DYNC1LI2: variants seen among roughly 807,000 people sequenced by gnomAD.
DYNC1LI2 encodes dynein cytoplasmic 1 light intermediate chain 2.
DYNC1LI2 carries 19 observed loss-of-function variants against 57.8 expected under a neutral mutation model. The ratio of observed to expected loss-of-function variants is 0.33; its 90% CI spans 0.23 to 0.48. The LOEUF (loss-of-function observed/expected upper bound fraction) is 0.48, where lower values mean the gene tolerates loss of function less well. DYNC1LI2 is among the 20% of genes least tolerant of loss of function. The probability of loss-of-function intolerance (pLI) is 0.99; values close to 1 mark genes in which losing one functional copy is unlikely to be tolerated. For synonymous variants in DYNC1LI2, 256 were observed against 233.4 expected, an observed-to-expected ratio of 1.10 and a Z score of -0.88; for missense variants, 470 against 604.2, an observed-to-expected ratio of 0.78 and a Z score of 2.33.
At position 66,751,374 on chromosome 16, in the gene DYNC1LI2, G is replaced by A; in HGVS notation, c.108-28C>T. 1.2e-6 allele frequency: 2 copies of A among 1,607,018 alleles called. No homozygotes were observed. Among genetic ancestry groups the A allele is most frequent in the Non-Finnish European group, 1.7e-6 (2 of 1,177,354 alleles). On this transcript the variant is annotated intron_variant, in intron 1 of 12. Transcript: ENST00000258198. This position sits in a 1 kb window ranked among gnomAD's most constrained non-coding sequence, Gnocchi z 5.2. ...GTGGCGACAATGGCAAGAGTGGTCAGCCCCGGGCCGGGCTGGGATGGCCCG... is the reference window on the plus strand; with the variant it reads ...GTGGCGACAATGGCAAGAGTGGTCAACCCCGGGCCGGGCTGGGATGGCCCG...
chr16:66,747,851 G>C (rs527956839), intron 3 of DYNC1LI2, among the ~76,000 whole-genome samples: 5 of 151,850 alleles, frequency 3.3e-5, no homozygotes, highest in African/African-American at 1.2e-4. Flanking sequence ...AATTACAGAC[G>C]TCAGCCACCA....
chr16:66,745,986 T>C (rs1163994825), intron 3 of DYNC1LI2, among the ~76,000 whole-genome samples: 1 of 151,620 alleles, frequency 6.6e-6, no homozygotes, highest in Non-Finnish European at 1.5e-5. Context: ...AAAAAACCTA[T>C]CTTTTATTAA....
At chr16:66,748,015 A>G (rs1386168251) in intron 3 of DYNC1LI2, among the ~76,000 whole-genome samples, 1 of 152,110 alleles carries the variant, frequency 6.6e-6, no homozygotes. Context: ...GGCTGGGTGC[A>G]GTGGTTCATG....
intron 6 of DYNC1LI2, 162 bp from the exon 7 acceptor site, chr16:66,732,636 A>G: frequency 1.7e-6 from 1 of 579,004 alleles, no homozygotes; most frequent in African/African-American, 1.9e-5. Flanking sequence ...AGTATTACAT[A>G]GGCATACTGC....
At chr16:66,749,879 C>G (rs1421435657) in intron 2 of DYNC1LI2, among the ~76,000 whole-genome samples, 1 of 152,180 alleles carries the variant, frequency 6.6e-6, no homozygotes, top group Non-Finnish European at 1.5e-5. Context: ...AGTACAATCT[C>G]AGTTAATTAT....
intron 7 of DYNC1LI2, 124 bp downstream of exon 7, chr16:66,732,215 G>A (rs1389433354): frequency 1.1e-5 from 13 of 1,202,016 alleles, no homozygotes; most frequent in Non-Finnish European, 1.5e-5. Flanking sequence ...CAGAGAGAAG[G>A]TGCAGTGAGA....
intron 3 of DYNC1LI2, among the ~76,000 whole-genome samples, chr16:66,742,921 G>A (rs2017865906): frequency 6.6e-6 from 1 of 152,202 alleles, no homozygotes; most frequent in Non-Finnish European, 1.5e-5. Flanking sequence ...CACTTTGAGA[G>A]GCTGAGGCAG....
At chr16:66,737,187 A>G (rs538044032) in intron 4 of DYNC1LI2, among the ~76,000 whole-genome samples, 1 of 152,308 alleles carries the variant, frequency 6.6e-6, no homozygotes, top group African/African-American at 2.4e-5. Context: ...AAGGCATGAG[A>G]ATCGCCTAAA....
At chr16:66,734,188 C>T (rs2017688222) in intron 6 of DYNC1LI2, 30 bp downstream of exon 6, 3 of 1,610,094 alleles carry the variant, frequency 1.9e-6, no homozygotes, top group African/African-American at 1.3e-5. Context: ...AAGCCTGTGA[C>T]CCAGGCCCCA....
At chr16:66,731,089 GGT>G (rs2017627471) in intron 7 of DYNC1LI2, 1 of 152,280 alleles carries the variant, frequency 6.6e-6, no homozygotes, top group Admixed American at 6.5e-5. Flanking sequence ...TCACCAGAGA[GGT>G]AACTACCAAC....
chr16:66,728,985 G>T, intron 9 of DYNC1LI2, 55 bp downstream of exon 9: 1 of 1,590,738 alleles, frequency 6.3e-7, no homozygotes, highest in Non-Finnish European at 8.6e-7. Context: ...CCACCCTAGG[G>T]ACTGGCATTT....
In DYNC1LI2 at chr16:66,733,995, AAAAC is replaced by A. The variant is rs199927926; in HGVS notation, c.793+219_793+222del. ...GGCCAAAGTGGTGAAACACCATCTT[AAAAC>A]AAACAAACAAACAAACAAATAAATG... On this transcript the variant is annotated intron_variant, in intron 6 of 12. Coordinates refer to ENST00000258198, the MANE Select transcript of DYNC1LI2 (RefSeq NM_006141.3). The A allele has an allele frequency of 3.9e-3, 1,920 of 495,950 alleles. 31 individuals carry two copies. The highest frequency in any genetic ancestry group is 0.032 in the African/African-American group (1,627 of 50,912). 30.7% of individuals were successfully genotyped at this position (495,950 alleles called of 1,614,324 possible). A position where few individuals can be genotyped will look rare whatever the true frequency, so the allele number is the denominator to read the frequency against.
chr16:66,736,162 G>A lies in DYNC1LI2; in HGVS notation c.612C>T (p.Gly204=). ...SPQRRGPLTS[G]SDEENVALPL... ...GCAGGGCAACATTTTCTTCATCGGA[G>A]CCTGAGGTCAGAGGGCCTCTTCTCT... The change falls in exon 5 of 13, where the codon GGC becomes GGT. Residue 204 remains glycine, a synonymous_variant. Coordinates refer to ENST00000258198, the MANE Select transcript of DYNC1LI2 (RefSeq NM_006141.3). 3.1e-6 allele frequency: 5 copies of A among 1,614,080 alleles called. No individual in the cohort carries two copies. Among genetic ancestry groups the A allele is most frequent in the Non-Finnish European group, 4.2e-6 (5 of 1,180,034 alleles).
Position 66,725,950 on chromosome 16 carries a change from G to A in DYNC1LI2, c.1262-6C>T, listed in dbSNP as rs1256370922. 1.2e-6 allele frequency: 2 copies of A among 1,605,446 alleles called. No individual in the cohort carries two copies. The highest frequency in any genetic ancestry group is 1.7e-5 in the Admixed American group (1 of 57,244). ...CCCTTCACTTGCTGCATTATCTAAGGAAAATTAAAGAGAAAAAAAAGCATC... is the reference window on the plus strand; with the variant it reads ...CCCTTCACTTGCTGCATTATCTAAGAAAAATTAAAGAGAAAAAAAAGCATC... On this transcript the variant is annotated splice_polypyrimidine_tract_variant and splice_region_variant and intron_variant, in intron 11 of 12. Transcript: ENST00000258198.
At chr16:66,745,213 T>C (rs1401113239) in intron 3 of DYNC1LI2, among the ~76,000 whole-genome samples, 1 of 152,080 alleles carries the variant, frequency 6.6e-6, no homozygotes, top group African/African-American at 2.4e-5. Context: ...AACTATGTTT[T>C]ATAAAAGTAC....
In DYNC1LI2 at chr16:66,721,265, A is replaced by G. The variant is rs1385764024; in HGVS notation, c.*2457T>C. 1 of 152,596 alleles carries G rather than the reference A, an allele frequency of 6.6e-6. No homozygotes were observed. The highest frequency in any genetic ancestry group is 2.4e-5 in the African/African-American group (1 of 41,450). The allele number at this position is 152,596 out of a possible 1,614,324, so 9.5% of individuals were successfully genotyped here. ...ACAATCTAGCAGCATTATCTGTTGC[A>G]TTTTTAGGAAAGACCAATTCTTGGC... On this transcript the variant is annotated 3_prime_UTR_variant, in exon 13 of 13. Coordinates refer to ENST00000258198, the MANE Select transcript of DYNC1LI2 (RefSeq NM_006141.3).
At position 66,723,702 on chromosome 16, in the gene DYNC1LI2, T is replaced by A; in HGVS notation, c.*20A>T. The stretch of plus-strand genomic sequence containing the variant: ...TACATAGTTATTTGGTCATTCGACA[T>A]ATGCACTTTTTAAGGAGGTTCAGGC... On this transcript the variant is annotated 3_prime_UTR_variant, in exon 13 of 13. Transcript: ENST00000258198. 6.3e-7 allele frequency: 1 copy of A among 1,591,728 alleles called. No individual in the cohort carries two copies. Among genetic ancestry groups the A allele is most frequent in the Non-Finnish European group, 8.5e-7 (1 of 1,172,806 alleles).
At position 66,727,723 on chromosome 16, in the gene DYNC1LI2, C is replaced by A. The variant is rs1380348562; in HGVS notation, c.1226G>T (p.Gly409Val). Reference sequence around the variant, plus strand: ...TGGGTCCGGCTTTTTTACTGACGTGCCTGGGGAGGAGCTAGGCACACTGGC... The same window carrying A: ...TGGGTCCGGCTTTTTTACTGACGTGACTGGGGAGGAGCTAGGCACACTGGC... ...GPASVPSSSP[G>V]TSVKKPDPNI... Residue 409 changes from glycine (G) to valine (V), a missense_variant, in exon 11 of 13, where the codon GGC becomes GTC. Transcript: ENST00000258198. 1 of 1,614,064 alleles carries A rather than the reference C, an allele frequency of 6.2e-7. No individual in the cohort carries two copies. The highest frequency in any genetic ancestry group is 8.5e-7 in the Non-Finnish European group (1 of 1,179,970).
At position 66,725,857 on chromosome 16, in the gene DYNC1LI2, C is replaced by T; in HGVS notation, c.1349G>A (p.Gly450Asp). The T allele has an allele frequency of 6.2e-7, 1 of 1,614,136 alleles. No homozygotes were observed. Among genetic ancestry groups the T allele is most frequent in the Non-Finnish European group, 8.5e-7 (1 of 1,180,004 alleles). ...CTTCTTGGCTGTGCTCTGCACCCCA[C>T]CAGCACCAGGACTTCCAGGAGAGCC... Reference protein sequence around the residue: ...KTGSPGSPGAGGVQSTAKKSG... With the variant: ...KTGSPGSPGADGVQSTAKKSG... The change falls in exon 12 of 13, where the codon GGT becomes GAT. Residue 450 changes from glycine (G) to aspartate (D), a missense_variant. Transcript: ENST00000258198.
Sources: allele counts gnomAD v4.1 joint callset (sites outside exome capture counted in the v4.1 genomes callset), GRCh38; gene constraint gnomAD v4.1.1; non-coding constraint Gnocchi (gnomAD v3.1); transcripts MANE v1.5; gene names NCBI Gene and HGNC (gene_info 2026-07-23, HGNC 2026-07-21).